Variants in VSTM1 observed in about 807,000 individuals in gnomAD.
VSTM1 encodes V-set and transmembrane domain-containing protein 1.
In VSTM1, 27 loss-of-function variants were observed where a neutral mutation model predicts 33.1. The observed-to-expected ratio is 0.82, with a 90% CI of 0.60 to 1.12. The LOEUF is 1.12. Ranked by LOEUF, VSTM1 falls within the 50% of genes most tolerant of loss-of-function variation. The probability of loss-of-function intolerance (pLI) is 0.00; values close to 1 mark genes in which losing one functional copy is unlikely to be tolerated. For missense variants in VSTM1, 304 were observed against 288.9 expected (o/e 1.05, Z -0.38); for synonymous variants, 115 against 110.3 (o/e 1.04, Z -0.27).
At chr19:54,048,411 C>A in intron 4 of VSTM1, 1 of 337,852 alleles carries the variant, frequency 3.0e-6, no homozygotes, top group East Asian at 1.1e-4. Context: ...CCACTGCGCC[C>A]GGCAAAGATA....
chr19:54,042,818 A>ATGTG (rs1451589254), intron 4 of VSTM1, among the ~76,000 whole-genome samples: 3 of 57,908 alleles, frequency 5.2e-5, no homozygotes, highest in East Asian at 3.4e-4. Context: ...ATATATATAT[A>ATGTG]TATATATATA....
intron 1 of VSTM1, among the ~76,000 whole-genome samples, chr19:54,062,809 A>C (rs2071460212): frequency 6.6e-6 from 1 of 151,568 alleles, no homozygotes; most frequent in African/African-American, 2.4e-5. Flanking sequence ...CCAGAAAAGG[A>C]GGAAGGAACT....
chr19:54,051,298 C>G, intron 4 of VSTM1, 112 bp downstream of exon 4: 2 of 946,464 alleles, frequency 2.1e-6, no homozygotes, highest in South Asian at 3.3e-5. Flanking sequence ...TCTCAAAAAA[C>G]AAACAAACAA....
At chr19:54,052,144 A>G (rs1392301754) in intron 3 of VSTM1, among the ~76,000 whole-genome samples, 2 of 151,948 alleles carry the variant, frequency 1.3e-5, no homozygotes, top group Non-Finnish European at 2.9e-5. Flanking sequence ...CACGCCTGTA[A>G]TCCCAGCACT....
chr19:54,051,383 A>G, intron 4 of VSTM1, 27 bp downstream of exon 4: 1 of 1,592,770 alleles, frequency 6.3e-7, no homozygotes, highest in Non-Finnish European at 8.5e-7. Context: ...CTCATTGGGA[A>G]AAACATCTCC....
In VSTM1 at chr19:54,058,031, G is replaced by C. The variant is rs140416587; in HGVS notation, c.355+275C>G. Among the ~76,000 whole-genome samples the C allele has an allele frequency of 3.3e-3, 508 of 152,042 alleles. 2 individuals carry two copies. The highest frequency in any genetic ancestry group is 5.2e-3 in the Non-Finnish European group (352 of 67,992). On this transcript the variant is annotated intron_variant, in intron 3 of 8. Transcript: ENST00000338372. ...GGAGGCAGGTGGATCACAAGGTCAG[G>C]AGATGGAGACCATCCTGGCTAACAT...
Position 54,063,837 on chromosome 19 carries a change from G to A in VSTM1, c.-60C>T, listed in dbSNP as rs1600179179. 1 of 1,590,976 alleles carries A rather than the reference G, an allele frequency of 6.3e-7. No individual in the cohort carries two copies. On this transcript the variant is annotated 5_prime_UTR_variant, in exon 1 of 9. Coordinates refer to ENST00000338372, the MANE Select transcript of VSTM1 (RefSeq NM_198481.4). The stretch of plus-strand genomic sequence containing the variant: ...GGGTTTTACCCTTCAAAGGCGGAGC[G>A]GGACTGGGCCGGCCGCAGCTCTCCG...
intron 4 of VSTM1, among the ~76,000 whole-genome samples, chr19:54,050,641 C>A (rs542043692): frequency 4.6e-5 from 7 of 152,104 alleles, no homozygotes; most frequent in Admixed American, 3.3e-4. Context: ...CCTCCACCCC[C>A]CAAAACACAG....
At chr19:54,044,985 A>C (rs2070499566) in intron 4 of VSTM1, among the ~76,000 whole-genome samples, 1 of 152,168 alleles carries the variant, frequency 6.6e-6, no homozygotes, top group Non-Finnish European at 1.5e-5. Flanking sequence ...AAGGGGCTTC[A>C]CCAAGACCCC....
rs2070340812 is a variant in VSTM1, at chr19:54,042,477, C to CTGGA, written c.395-112_395-109dup. The stretch of plus-strand genomic sequence containing the variant: ...CAGACAGATGGCCTGGCTTCCAAGC[C>CTGGA]TGGATCTCCCACCTCGGAGCTGGAA... On this transcript the variant is annotated intron_variant, in intron 4 of 8. Coordinates refer to ENST00000338372, the MANE Select transcript of VSTM1 (RefSeq NM_198481.4). 3 of 1,449,554 alleles carry CTGGA rather than the reference C, an allele frequency of 2.1e-6. No homozygotes were observed. In the South Asian group the frequency reaches 4.2e-5, roughly 20 times the overall value. The allele number at this position is 1,449,554 out of a possible 1,614,324, so 89.8% of individuals were successfully genotyped here. A position where few individuals can be genotyped will look rare whatever the true frequency, so the allele number is the denominator to read the frequency against.
At position 54,041,779 on chromosome 19, in the gene VSTM1, C is replaced by CGA. The variant is rs1198662519; in HGVS notation, c.589_590dup (p.Thr198ArgfsTer8). ...GGGACTCCTAAGCGGGAGGACTCAC[C>CGA]GAGAGAGATACCCTTTCCATATTGG... On this transcript the variant is annotated frameshift_variant and splice_region_variant, in exon 8 of 9. Transcript: ENST00000338372. LOFTEE classifies it high-confidence loss of function. 2 of 1,613,140 alleles carry CGA rather than the reference C, an allele frequency of 1.2e-6. No homozygotes were observed. The highest frequency in any genetic ancestry group is 1.7e-6 in the Non-Finnish European group (2 of 1,179,780).
chr19:54,058,288 T>TAC lies in VSTM1; in HGVS notation c.355+16_355+17dup, dbSNP rs1319121537. 6.3e-7 allele frequency: 1 copy of TAC among 1,597,146 alleles called. No homozygotes were observed. Among genetic ancestry groups the TAC allele is most frequent in the African/African-American group, 1.4e-5 (1 of 73,398 alleles). ...CCAAAGAAATGTGTGCATCAAAGAG[T>TAC]ACATCTGCCCTTCTCACCTGTGACC... On this transcript the variant is annotated intron_variant, in intron 3 of 8. Transcript: ENST00000338372.
intron 4 of VSTM1, among the ~76,000 whole-genome samples, chr19:54,045,828 C>A (rs939851907): frequency 1.3e-5 from 2 of 152,038 alleles, no homozygotes; most frequent in African/African-American, 2.4e-5. Context: ...TACCTAGTTA[C>A]CTATCATCTA....
At chr19:54,057,240 A>G (rs1192853263) in intron 3 of VSTM1, among the ~76,000 whole-genome samples, 1 of 140,046 alleles carries the variant, frequency 7.1e-6, no homozygotes, top group African/African-American at 2.6e-5. Flanking sequence ...TGCATCAGGC[A>G]GGCTTTGGTG....
rs186862474 is a variant in VSTM1, at chr19:54,051,846, C to G, written c.356-398G>C. Among the ~76,000 whole-genome samples, 176 of 152,106 alleles carry G rather than the reference C, an allele frequency of 1.2e-3. 1 individual carries two copies. The highest frequency in any genetic ancestry group is 3.8e-3 in the African/African-American group (157 of 41,526). ...CATGATCTCAGCTCACTGCAACCTC[C>G]GCCTCCCGGGTTCAAGAGATTCTCC... On this transcript the variant is annotated intron_variant, in intron 3 of 8. Transcript: ENST00000338372.
chr19:54,060,456 G>T (rs2071339516), intron 1 of VSTM1, among the ~76,000 whole-genome samples: 1 of 152,098 alleles, frequency 6.6e-6, no homozygotes, highest in Non-Finnish European at 1.5e-5. Flanking sequence ...TGCCGATACA[G>T]AACGTGACCC....
Position 54,058,413 on chromosome 19 carries a change from A to G in VSTM1, c.248T>C (p.Phe83Ser). The change falls in exon 3 of 9, where the codon TTC becomes TCC. Residue 83 changes from phenylalanine (F) to serine (S), a missense_variant. Phe to Ser is a radical substitution (Grantham distance 155). Transcript: ENST00000338372. ...AGCATCCTTAGGCTTCAGGTCCGTG[A>G]AGGGGAATTCAGCTTCGTTTTCTGC... ...SSAENEAEFPFTDLKPKDAGR... is the reference protein window; with the variant it reads ...SSAENEAEFPSTDLKPKDAGR... 5.6e-6 allele frequency: 9 copies of G among 1,614,056 alleles called. No homozygotes were observed. The highest frequency in any genetic ancestry group is 7.6e-6 in the Non-Finnish European group (9 of 1,180,014).
At chr19:54,056,751 C>A (rs1234800285) in intron 3 of VSTM1, among the ~76,000 whole-genome samples, 1 of 141,428 alleles carries the variant, frequency 7.1e-6, no homozygotes, top group African/African-American at 2.6e-5. Flanking sequence ...TCTACACCAC[C>A]CTCCCACATC....
chr19:54,044,148 T>G (rs2070455902), intron 4 of VSTM1, among the ~76,000 whole-genome samples: 1 of 150,898 alleles, frequency 6.6e-6, no homozygotes, highest in Non-Finnish European at 1.5e-5. Context: ...GCGTTTAGAG[T>G]GGGGAGGGGT....
Sources: allele counts gnomAD v4.1 joint callset (sites outside exome capture counted in the v4.1 genomes callset), GRCh38; gene constraint gnomAD v4.1.1; transcripts MANE v1.5; gene names NCBI Gene and HGNC (gene_info 2026-07-23, HGNC 2026-07-21).